URGCP: variants seen among roughly 807,000 people sequenced by gnomAD.
URGCP encodes the protein upregulator of cell proliferation.
In URGCP, 13 loss-of-function variants were observed where a neutral mutation model predicts 24.6. The ratio of observed to expected loss-of-function variants is 0.53; its 90% confidence interval spans 0.34 to 0.84. URGCP has a LOEUF of 0.84. URGCP is among the 40% of genes least tolerant of loss of function. The pLI, the probability that URGCP is intolerant of heterozygous loss-of-function variation, is 0.01. For missense variants in URGCP, 899 were observed against 1,194.3 expected (o/e 0.75, Z 3.64); for synonymous variants, 444 against 487.2 (o/e 0.91, Z 1.17).
At position 43,906,593 on chromosome 7, in the gene URGCP, C is replaced by A; in HGVS notation, c.-18G>T. 8.2e-7 allele frequency: 1 copy of A among 1,226,810 alleles called. No homozygotes were observed. Among genetic ancestry groups the A allele is most frequent in the Non-Finnish European group, 1.0e-6 (1 of 976,956 alleles). 76.0% of individuals were successfully genotyped at this position (1,226,810 alleles called of 1,614,324 possible). ...GACGCCATGAGCGCAGCGAGGTCTC[C>A]GCTCCCGCCTCCTTCGCTTCCTCCG... On this transcript the variant is annotated 5_prime_UTR_variant, in exon 1 of 6. Coordinates refer to ENST00000453200, the MANE Select transcript of URGCP (RefSeq NM_001077663.3).
intron 1 of URGCP, chr7:43,919,283 G>A: frequency 1.2e-6 from 1 of 819,746 alleles, no homozygotes; most frequent in Non-Finnish European, 2.2e-6. Context: ...AGAGGCTGAT[G>A]CAGAACGCAG....
In URGCP at chr7:43,883,625, C is replaced by T. The variant is rs566946907; in HGVS notation, c.113-1668G>A. ...ATCCACCTGCCTTGGCCTCACAGAG[C>T]GTTGGGATTACAGGCGTGAGCCACC... On this transcript the variant is annotated intron_variant, in intron 3 of 5. Coordinates refer to ENST00000453200, the MANE Select transcript of URGCP (RefSeq NM_001077663.3). 1.8e-4 allele frequency among the ~76,000 whole-genome samples: 27 copies of T among 151,886 alleles called. No homozygotes were observed. In the East Asian group the frequency reaches 4.1e-3, roughly 23 times the overall value.
chr7:43,878,113 G>A lies in URGCP; in HGVS notation c.1350C>T (p.Asp450=). ...CCAGTTTGCGGGCTGCGTGCGCCAT[G>A]TCCTCCACAGATACCCGCCTGCAGG... is the stretch of plus-strand genomic sequence containing the variant. ...RAPCRRVSVE[D]MAHAARKLGL... is the part of the protein sequence containing the mutation. The change falls in exon 6 of 6, where the codon GAC becomes GAT. Residue 450 remains aspartate, a synonymous_variant. Transcript: ENST00000453200. This position sits in a 1 kb window ranked among gnomAD's most constrained non-coding sequence, Gnocchi z 5.6. The A allele has an allele frequency of 6.2e-7, 1 of 1,614,226 alleles. No homozygotes were observed. Among genetic ancestry groups the A allele is most frequent in the Non-Finnish European group, 8.5e-7 (1 of 1,180,044 alleles).
intron 1 of URGCP, among the ~76,000 whole-genome samples, chr7:43,892,919 G>A (rs897005964): frequency 2.0e-5 from 3 of 152,104 alleles, no homozygotes; most frequent in African/African-American, 7.2e-5. Flanking sequence ...AGTGCTTAGG[G>A]GAATGTTATA....
intron 1 of URGCP, among the ~76,000 whole-genome samples, chr7:43,900,200 T>C (rs1407554062): frequency 2.0e-5 from 3 of 150,220 alleles, no homozygotes; most frequent in Non-Finnish European, 4.4e-5. Context: ...ATGCCTGTAA[T>C]TCCAGCACCT....
chr7:43,896,187 G>A (rs537353467), intron 1 of URGCP, among the ~76,000 whole-genome samples: 47 of 152,230 alleles, frequency 3.1e-4, no homozygotes, highest in Middle Eastern at 6.8e-3. Flanking sequence ...GGAGAGGGGA[G>A]GATAGGGAGA....
chr7:43,877,048 C>T lies in URGCP; in HGVS notation c.2415G>A (p.Arg805=), dbSNP rs374019880. 3 of 1,614,228 alleles carry T rather than the reference C, an allele frequency of 1.9e-6. No individual in the cohort carries two copies. The South Asian group carries it at 3.3e-5, about 18-fold the overall frequency. Residue 805 remains arginine (R), a synonymous_variant, in exon 6 of 6, where the codon AGG becomes AGA. Transcript: ENST00000453200. ...IPAAILHAFL[R]LEKTGHMPNY... ...TGGGCATGTGCCCCGTTTTTTCTAA[C>T]CTCAGAAATGCATGCAGAATAGCTG...
At chr7:43,882,320 G>A (rs1049367331) in intron 3 of URGCP, among the ~76,000 whole-genome samples, 12 of 152,194 alleles carry the variant, frequency 7.9e-5, no homozygotes, top group Admixed American at 5.9e-4. Flanking sequence ...GCGCATGCCT[G>A]TAATTCCAGC....
At position 43,877,665 on chromosome 7, in the gene URGCP, T is replaced by C. The variant is rs548825833; in HGVS notation, c.1798A>G (p.Thr600Ala). Residue 600 changes from threonine to alanine, a missense_variant, in exon 6 of 6, where the codon ACA (threonine) becomes GCA (alanine). Physicochemically the swap from Thr to Ala is moderately conservative, Grantham distance 58. Transcript: ENST00000453200. ...LTLRPKHGGT[T>A]DVGEPLWPEP... Reference sequence around the variant, plus strand: ...GGCCAGAGCGGCTCCCCCACGTCTGTGGTGCCCCCATGCTTTGGTCTCAGG... The same window carrying C: ...GGCCAGAGCGGCTCCCCCACGTCTGCGGTGCCCCCATGCTTTGGTCTCAGG... 1 of 1,613,980 alleles carries C rather than the reference T, an allele frequency of 6.2e-7. No individual in the cohort carries two copies. Among genetic ancestry groups the C allele is most frequent in the Non-Finnish European group, 8.5e-7 (1 of 1,180,016 alleles).
intron 1 of URGCP, among the ~76,000 whole-genome samples, chr7:43,903,369 A>C (rs2095895120): frequency 6.6e-6 from 1 of 152,206 alleles, no homozygotes; most frequent in African/African-American, 2.4e-5. Context: ...CCCCAAACTC[A>C]GATGGGAGGG....
At chr7:43,890,005 T>C (rs1440685524) in intron 1 of URGCP, among the ~76,000 whole-genome samples, 3 of 150,808 alleles carry the variant, frequency 2.0e-5, no homozygotes, top group Non-Finnish European at 4.4e-5. Flanking sequence ...CCTGGGTTCA[T>C]GCAATTCTCC....
At chr7:43,904,665 T>C (rs1414437182) in intron 1 of URGCP, among the ~76,000 whole-genome samples, 1 of 152,134 alleles carries the variant, frequency 6.6e-6, no homozygotes, top group African/African-American at 2.4e-5. Context: ...CCCCACAAAA[T>C]GAAATAAAGC....
At chr7:43,925,829 G>C (rs1007265719) in intron 1 of URGCP, among the ~76,000 whole-genome samples, 5 of 115,992 alleles carry the variant, frequency 4.3e-5, no homozygotes, top group Non-Finnish European at 7.5e-5. Flanking sequence ...AAAAATGTTG[G>C]TTGCAACCTA....
chr7:43,898,746 AAAATAAATAAATAAAT>A (rs71563928), intron 1 of URGCP, among the ~76,000 whole-genome samples: 40 of 143,930 alleles, frequency 2.8e-4, no homozygotes, highest in African/African-American at 3.5e-4. Context: ...CCCTGTCTCA[AAAATAAATAAATAAAT>A]AAATAAATAA....
At chr7:43,910,868 A>G (rs1282674569), upstream of URGCP, 3 of 152,146 alleles carry the variant, frequency 2.0e-5, no homozygotes, top group Non-Finnish European at 4.4e-5. Context: ...AAAAATAAAT[A>G]AATAAAAAGA....
chr7:43,916,707 A>AACCCCCCCCCCCCCC (rs1562590457), intron 1 of URGCP, among the ~76,000 whole-genome samples: 1 of 24,636 alleles, frequency 4.1e-5, no homozygotes, highest in Non-Finnish European at 8.4e-5. Context: ...CCCACTCCCT[A>AACCCCCCCCCCCCCC]CCCACCCCCC....
Position 43,877,336 on chromosome 7 carries a change from G to C in URGCP, c.2127C>G (p.Leu709=), listed in dbSNP as rs555213448. Residue 709 remains leucine (L), a synonymous_variant, in exon 6 of 6, where the codon CTC becomes CTG. Transcript: ENST00000453200. ...GVPGTGKSTL[L]NTMFGLRFAT... is the part of the protein sequence containing the mutation. ...CAAACCGCAGCCCAAACATGGTGTT[G>C]AGGAGTGTGGACTTGCCCGTGCCTG... The C allele has an allele frequency of 6.2e-7, 1 of 1,612,650 alleles. No homozygotes were observed. Among genetic ancestry groups the C allele is most frequent in the Non-Finnish European group, 8.5e-7 (1 of 1,180,032 alleles).
intron 1 of URGCP, among the ~76,000 whole-genome samples, chr7:43,899,152 T>C (rs1043658728): frequency 7.0e-6 from 1 of 142,964 alleles, no homozygotes; most frequent in Admixed American, 7.2e-5. Context: ...TATATATATA[T>C]TTATATAAAA....
chr7:43,918,689 G>T, intron 1 of URGCP: 1 of 666,884 alleles, frequency 1.5e-6, no homozygotes, highest in Non-Finnish European at 2.7e-6. Flanking sequence ...TCTGGTGCCT[G>T]AGGAGCGATA....
Sources: gnomAD v4.1 joint callset for allele counts (sites outside exome capture counted in the v4.1 genomes callset) on GRCh38, gnomAD v4.1.1 for gene constraint, Gnocchi (gnomAD v3.1) non-coding constraint, MANE v1.5 for transcripts, NCBI Gene and HGNC (gene_info 2026-07-23, HGNC 2026-07-21) for gene names.